SFPQ: variants seen among roughly 807,000 people sequenced by gnomAD.
SFPQ encodes the protein splicing factor, proline- and glutamine-rich.
A neutral mutation model predicts 72.9 loss-of-function variants in SFPQ; 11 were observed. The ratio of observed to expected loss-of-function variants is 0.15; its 90% CI spans 0.09 to 0.25. The LOEUF (loss-of-function observed/expected upper bound fraction) is 0.25, where lower values mean the gene tolerates loss of function less well. SFPQ is among the 10% of genes least tolerant of loss of function. The pLI, the probability that SFPQ is intolerant of heterozygous loss-of-function variation, is 1.00. For missense variants in SFPQ, 847 were observed against 993.3 expected (o/e 0.85, Z 1.98); for synonymous variants, 506 against 367.3 (o/e 1.38, Z -4.32).
At position 35,192,660 on chromosome 1, in the gene SFPQ, C is replaced by T. The variant is rs948803172; in HGVS notation, c.390G>A (p.Ser130=). Reference sequence around the variant, plus strand: ...AGGTTGGTGGAGTGGCGGGCGGGGCCGAGCTGGAGGCTGGTGGTGCGCTGC... The same window carrying T: ...AGGTTGGTGGAGTGGCGGGCGGGGCTGAGCTGGAGGCTGGTGGTGCGCTGC... ...GVGSAPPASS[S]APPATPPTSG... The change falls in exon 1 of 10, where the codon TCG becomes TCA. Residue 130 remains serine (S), a synonymous_variant. Transcript: ENST00000357214. 4 of 1,389,360 alleles carry T rather than the reference C, an allele frequency of 2.9e-6. No homozygotes were observed. Among genetic ancestry groups the T allele is most frequent in the Non-Finnish European group, 9.2e-7 (1 of 1,081,402 alleles). The allele number at this position is 1,389,360 out of a possible 1,614,324, so 86.1% of individuals were successfully genotyped here.
chr1:35,180,696 T>C (rs1639430688), downstream of SFPQ: 8 of 1,056,786 alleles, frequency 7.6e-6, no homozygotes, highest in Non-Finnish European at 8.0e-6. Flanking sequence ...GATTGCATAA[T>C]GAAATTACTG....
chr1:35,183,557 A>G lies in SFPQ; in HGVS notation c.*899T>C. The stretch of plus-strand genomic sequence containing the variant: ...CTTACTTTCAAGTTTTGTTTTTTAG[A>G]CTACACCCCATCTTTATAAATCACT... On this transcript the variant is annotated 3_prime_UTR_variant, in exon 10 of 10. Coordinates refer to ENST00000357214, the MANE Select transcript of SFPQ (RefSeq NM_005066.3). 9.8e-7 allele frequency: 1 copy of G among 1,018,080 alleles called. No individual in the cohort carries two copies. Among genetic ancestry groups the G allele is most frequent in the African/African-American group, 1.7e-5 (1 of 58,518 alleles). 63.1% of individuals were successfully genotyped at this position (1,018,080 alleles called of 1,614,324 possible). A position where few individuals can be genotyped will look rare whatever the true frequency, so the allele number is the denominator to read the frequency against.
In SFPQ at chr1:35,183,224, CCT is replaced by C. The variant is rs147051144; in HGVS notation, c.*1230_*1231del. 0.047 allele frequency: 46,316 copies of C among 985,608 alleles called. 5,290 individuals carry two copies. In the East Asian group the frequency reaches 0.57, roughly 12 times the overall value. The allele number at this position is 985,608 out of a possible 1,614,324, so 61.1% of individuals were successfully genotyped here. A position where few individuals can be genotyped will look rare whatever the true frequency, so the allele number is the denominator to read the frequency against. On this transcript the variant is annotated 3_prime_UTR_variant, in exon 10 of 10. Transcript: ENST00000357214. ...TAACTAAACCTACTTCAGTACTAAA[CCT>C]TTTTTTTTTTTTGAGACAGAGTCTC...
At chr1:35,188,922 C>T in intron 6 of SFPQ, 81 bp downstream of exon 6, 3 of 1,100,470 alleles carry the variant, frequency 2.7e-6, no homozygotes, top group Admixed American at 2.0e-5. Context: ...GACTGCACCA[C>T]TGCACTCCAG....
At chr1:35,181,715 A>C, downstream of SFPQ, 1 of 1,061,156 alleles carries the variant, frequency 9.4e-7, no homozygotes, top group Non-Finnish European at 1.1e-6. Context: ...TAAATGAAAA[A>C]AATGGCTAAA....
At chr1:35,192,124 G>A (rs1640038832) in intron 1 of SFPQ, 98 bp downstream of exon 1, 2 of 1,059,950 alleles carry the variant, frequency 1.9e-6, no homozygotes, top group African/African-American at 1.6e-5. Context: ...CGCCCCTTCC[G>A]GCAGCCGACA....
chr1:35,182,871 C>A, downstream of SFPQ: 3 of 1,045,928 alleles, frequency 2.9e-6, no homozygotes, highest in Non-Finnish European at 3.5e-6. Context: ...CTTTAATAGT[C>A]AAAGTCTCTT....
chr1:35,192,901 C>A lies in SFPQ; in HGVS notation c.149G>T (p.Gly50Val). The change falls in exon 1 of 10, where the codon GGC (glycine) becomes GTC (valine). Residue 50 changes from glycine (G) to valine (V), a missense_variant. Physicochemically the swap from Gly to Val is moderately radical, Grantham distance 109. Transcript: ENST00000357214. ...AGGCTTAGGGCCGCTCTGGCCCGGGCCAGGACCCATGGGGCCGCGATTCTG... is the reference window on the plus strand; with the variant it reads ...AGGCTTAGGGCCGCTCTGGCCCGGGACAGGACCCATGGGGCCGCGATTCTG... ...LNQNRGPMGPGPGQSGPKPPI... is the reference protein window; with the variant it reads ...LNQNRGPMGPVPGQSGPKPPI... 6.3e-7 allele frequency: 1 copy of A among 1,576,558 alleles called. No individual in the cohort carries two copies.
At chr1:35,180,836 A>C, downstream of SFPQ, 1 of 985,324 alleles carries the variant, frequency 1.0e-6, no homozygotes, top group Non-Finnish European at 1.2e-6. Context: ...CCCCCACACC[A>C]CTGATGTGTT....
downstream of SFPQ, chr1:35,180,327 T>C: frequency 9.6e-7 from 1 of 1,046,124 alleles, no homozygotes; most frequent in East Asian, 5.6e-5. Context: ...AAGACTTAGG[T>C]TTTCTTGTAA....
Position 35,191,323 on chromosome 1 carries a change from T to C in SFPQ, c.1017+18A>G. The C allele has an allele frequency of 6.2e-7, 1 of 1,606,848 alleles. No individual in the cohort carries two copies. Among genetic ancestry groups the C allele is most frequent in the Non-Finnish European group, 8.5e-7 (1 of 1,175,374 alleles). On this transcript the variant is annotated intron_variant, in intron 2 of 9. Transcript: ENST00000357214. Reference sequence around the variant, plus strand: ...CCACCCTTTTTAATTCTACGTAAAATCAAACAATTACACTCACAAGCTTAA... The same window carrying C: ...CCACCCTTTTTAATTCTACGTAAAACCAAACAATTACACTCACAAGCTTAA...
In SFPQ at chr1:35,189,272, T is replaced by C. The variant is rs747967483; in HGVS notation, c.1526A>G (p.Glu509Gly). ...GTCTTTTGCATCTTTCATGTTTTTT[T>C]CAACTTGTTCCCTTTGCTGTTTTTC... ...EMEKQQREQV[E>G]KNMKDAKDKL... The change falls in exon 5 of 10, where the codon GAA (glutamate) becomes GGA (glycine). Residue 509 changes from glutamate (E) to glycine (G), a missense_variant. Transcript: ENST00000357214. 21 of 1,613,804 alleles carry C rather than the reference T, an allele frequency of 1.3e-5. No individual in the cohort carries two copies. Among genetic ancestry groups the C allele is most frequent in the East Asian group, 2.2e-5 (1 of 44,898 alleles).
At chr1:35,178,482 C>T (rs1639337212), downstream of SFPQ, 4 of 1,063,652 alleles carry the variant, frequency 3.8e-6, no homozygotes, top group Non-Finnish European at 4.6e-6. Context: ...CAGGAGTCCT[C>T]CAAGAGTGCC....
chr1:35,193,018 C>A lies in SFPQ; in HGVS notation c.32G>T (p.Gly11Val). 1 of 1,584,918 alleles carries A rather than the reference C, an allele frequency of 6.3e-7. No homozygotes were observed. Among genetic ancestry groups the A allele is most frequent in the Non-Finnish European group, 8.5e-7 (1 of 1,173,950 alleles). ...ACGCCTGTGGAAGCCACCACCGCCA[C>A]CGCCACGACTCCGGAACCGATCCCG... The part of the protein sequence containing the change: MSRDRFRSRG[G>V]GGGGFHRRGG... The change falls in exon 1 of 10, where the codon GGT (glycine) becomes GTT (valine). Residue 11 changes from glycine to valine, a missense_variant. Around this residue, in one of 6 missense-constraint regions of SFPQ, gnomAD observed 19 missense variants for 43.8 expected, o/e 0.43. Coordinates refer to ENST00000357214, the MANE Select transcript of SFPQ (RefSeq NM_005066.3).
chr1:35,191,332 T>C lies in SFPQ; in HGVS notation c.1017+9A>G, dbSNP rs765279481. 14 of 1,610,884 alleles carry C rather than the reference T, an allele frequency of 8.7e-6. No individual in the cohort carries two copies. Among genetic ancestry groups the C allele is most frequent in the Non-Finnish European group, 1.2e-5 (14 of 1,177,678 alleles). On this transcript the variant is annotated intron_variant, in intron 2 of 9. Coordinates refer to ENST00000357214, the MANE Select transcript of SFPQ (RefSeq NM_005066.3). Reference sequence around the variant, plus strand: ...TTAATTCTACGTAAAATCAAACAATTACACTCACAAGCTTAATAAATCCGA... The same window carrying C: ...TTAATTCTACGTAAAATCAAACAATCACACTCACAAGCTTAATAAATCCGA...
Position 35,183,970 on chromosome 1 carries a change from A to G in SFPQ, c.*486T>C, listed in dbSNP as rs1219149661. ...TTCTTCTTTTTAAAACAAAGGGGGCAATTATTTGTAGAAAGCAATACTTAG... is the reference window on the plus strand; with the variant it reads ...TTCTTCTTTTTAAAACAAAGGGGGCGATTATTTGTAGAAAGCAATACTTAG... On this transcript the variant is annotated 3_prime_UTR_variant, in exon 10 of 10. Coordinates refer to ENST00000357214, the MANE Select transcript of SFPQ (RefSeq NM_005066.3). 1 of 1,053,300 alleles carries G rather than the reference A, an allele frequency of 9.5e-7. No homozygotes were observed. Among genetic ancestry groups the G allele is most frequent in the Non-Finnish European group, 1.1e-6 (1 of 871,570 alleles). The allele number at this position is 1,053,300 out of a possible 1,614,324, so 65.2% of individuals were successfully genotyped here.
At chr1:35,181,585 T>G, downstream of SFPQ, 2 of 1,061,540 alleles carry the variant, frequency 1.9e-6, no homozygotes, top group Non-Finnish European at 2.3e-6. Context: ...TTAAATACAC[T>G]GGGGTCTTAA....
downstream of SFPQ, chr1:35,178,257 T>TTTTC (rs1639329131): frequency 6.4e-6 from 7 of 1,093,182 alleles, no homozygotes; most frequent in Non-Finnish European, 7.8e-6. Context: ...GAAAACTGTA[T>TTTTC]TTTCTTTAAA....
At chr1:35,181,219 C>T, downstream of SFPQ, 10 of 1,065,490 alleles carry the variant, frequency 9.4e-6, no homozygotes, top group Non-Finnish European at 1.1e-5. Context: ...TGCGGTACTA[C>T]GTTCCTCACA....
Sources: allele counts gnomAD v4.1 joint callset, GRCh38; gene constraint gnomAD v4.1.1; regional missense constraint gnomAD v4.1.1; transcripts MANE v1.5; gene names NCBI Gene and HGNC (gene_info 2026-07-23, HGNC 2026-07-21).